Variants in IQCM observed in about 807,000 individuals in gnomAD.
The protein encoded by IQCM is IQ domain-containing protein M.
Under a neutral mutation model 57.6 loss-of-function variants are expected in IQCM, and 45 were observed. The ratio of observed to expected loss-of-function variants is 0.78; its 90% confidence interval spans 0.62 to 1.00. The LOEUF is 1.00. Among genes scored for constraint, IQCM ranks in the 50% least tolerant of loss-of-function variants. The pLI is 0.00. For synonymous variants in IQCM, 148 were observed against 158.9 expected, an observed-to-expected ratio of 0.93 and a Z score of 0.51; for missense variants, 468 against 511.6, an observed-to-expected ratio of 0.91 and a Z score of 0.82.
At chr4:149,785,047 G>T (rs543828957) in intron 2 of IQCM, among the ~76,000 whole-genome samples, 1 of 152,272 alleles carries the variant, frequency 6.6e-6, no homozygotes, top group East Asian at 1.9e-4. Context: ...TTAATATAGA[G>T]ATATGTTTTA....
chr4:149,500,544 G>A (rs1743132687), intron 12 of IQCM, among the ~76,000 whole-genome samples: 1 of 152,078 alleles, frequency 6.6e-6, no homozygotes, highest in South Asian at 2.1e-4. Context: ...ACTTTTAAAA[G>A]CCATACAAAC....
intron 11 of IQCM, 107 bp from the exon 12 acceptor site, chr4:149,548,696 G>T: frequency 2.0e-6 from 1 of 491,736 alleles, no homozygotes; most frequent in Non-Finnish European, 3.2e-6. Context: ...TCCATGATTA[G>T]TCTAGCACTA....
intron 12 of IQCM, among the ~76,000 whole-genome samples, chr4:149,454,195 C>CACACACACAT (rs1244053232): frequency 1.4e-5 from 2 of 147,540 alleles, no homozygotes; most frequent in African/African-American, 5.0e-5. Context: ...CACACACACA[C>CACACACACAT]ATATAAACAC....
At chr4:149,668,171 C>T (rs933821540) in intron 7 of IQCM, among the ~76,000 whole-genome samples, 1 of 152,056 alleles carries the variant, frequency 6.6e-6, no homozygotes, top group Non-Finnish European at 1.5e-5. Context: ...TAAGGGCAGC[C>T]AGAGAGAAAG....
chr4:149,500,953 G>T (rs1176369517), intron 12 of IQCM, among the ~76,000 whole-genome samples: 1 of 152,158 alleles, frequency 6.6e-6, no homozygotes, highest in Non-Finnish European at 1.5e-5. Flanking sequence ...CCATGAGGTT[G>T]TTTCCTTTGG....
Position 149,578,439 on chromosome 4 carries a change from A to C in IQCM, c.749+9491T>G, listed in dbSNP as rs578148092. ...AAGGCGTGATGAGGGCTGATTTTTCAGTGGCACAGTGACCAGAGTTGTCAA... is the reference window on the plus strand; with the variant it reads ...AAGGCGTGATGAGGGCTGATTTTTCCGTGGCACAGTGACCAGAGTTGTCAA... On this transcript the variant is annotated intron_variant, in intron 9 of 13. Coordinates refer to ENST00000636793, the MANE Select transcript of IQCM (RefSeq NM_001363507.2). Among the ~76,000 whole-genome samples the C allele has an allele frequency of 1.5e-4, 23 of 151,912 alleles. No homozygotes were observed. In the East Asian group the frequency reaches 3.7e-3, roughly 25 times the overall value.
intron 2 of IQCM, among the ~76,000 whole-genome samples, chr4:149,798,299 A>T (rs1306536485): frequency 6.6e-6 from 1 of 152,006 alleles, no homozygotes; most frequent in Non-Finnish European, 1.5e-5. Flanking sequence ...ATAAAATAGT[A>T]TTTGCAAGCC....
chr4:149,698,315 T>G (rs1763494554), intron 5 of IQCM, among the ~76,000 whole-genome samples: 1 of 152,086 alleles, frequency 6.6e-6, no homozygotes, highest in South Asian at 2.1e-4. Flanking sequence ...TATTTCATAA[T>G]CCCATAATCC....
At chr4:149,706,829 T>A (rs1471242183) in intron 5 of IQCM, among the ~76,000 whole-genome samples, 1 of 151,998 alleles carries the variant, frequency 6.6e-6, no homozygotes, top group African/African-American at 2.4e-5. Flanking sequence ...TCTGGACCTC[T>A]CTTTTTTATT....
intron 2 of IQCM, among the ~76,000 whole-genome samples, chr4:149,807,505 G>C (rs114678647): frequency 0.022 from 3,342 of 152,022 alleles, 65 homozygotes; most frequent in South Asian, 0.036. Context: ...AATGCTACAG[G>C]ACATCAGTCT....
rs149969095 is a variant in IQCM at position 149,364,369 on chromosome 4, T to C, written c.1391-12303A>G. ...CAGCTCAAGGTGGTATAAGGAGAGCTACTGATACTGCTGAGTTTCCCAAGG... is the reference window on the plus strand; with the variant it reads ...CAGCTCAAGGTGGTATAAGGAGAGCCACTGATACTGCTGAGTTTCCCAAGG... On this transcript the variant is annotated intron_variant, in intron 13 of 13. Transcript: ENST00000636793. Among the ~76,000 whole-genome samples, 449 of 152,288 alleles carry C rather than the reference T, an allele frequency of 2.9e-3. 3 individuals carry two copies. Among genetic ancestry groups the C allele is most frequent in the African/African-American group, 8.7e-3 (363 of 41,570 alleles).
intron 7 of IQCM, among the ~76,000 whole-genome samples, chr4:149,642,204 T>C (rs1758256051): frequency 6.6e-6 from 1 of 152,182 alleles, no homozygotes; most frequent in African/African-American, 2.4e-5. Context: ...CTTTGCTTAT[T>C]ATTTTAAAAC....
intron 7 of IQCM, among the ~76,000 whole-genome samples, chr4:149,670,658 C>T (rs915124867): frequency 1.3e-5 from 2 of 152,004 alleles, no homozygotes; most frequent in African/African-American, 4.8e-5. Context: ...CCCATGAATA[C>T]CTAGTTTATT....
At chr4:149,366,809 CAAT>C (rs1481256416) in intron 13 of IQCM, among the ~76,000 whole-genome samples, 1 of 151,722 alleles carries the variant, frequency 6.6e-6, no homozygotes, top group Non-Finnish European at 1.5e-5. Context: ...ATGTGTTCCT[CAAT>C]AAGTTCTTTC....
intron 2 of IQCM, among the ~76,000 whole-genome samples, chr4:149,769,759 A>G (rs530386323): frequency 3.0e-4 from 45 of 151,956 alleles, no homozygotes; most frequent in Middle Eastern, 3.4e-3. Flanking sequence ...AGGTTTATGC[A>G]CCTAATAACA....
intron 8 of IQCM, among the ~76,000 whole-genome samples, chr4:149,605,489 C>T (rs1433664845): frequency 6.6e-6 from 1 of 152,098 alleles, no homozygotes; most frequent in Non-Finnish European, 1.5e-5. Flanking sequence ...GAATATACAT[C>T]TTGATCTATT....
chr4:149,724,430 T>G (rs546768494), intron 5 of IQCM, among the ~76,000 whole-genome samples: 13 of 152,048 alleles, frequency 8.5e-5, no homozygotes, highest in African/African-American at 3.1e-4. Flanking sequence ...AGGAAAAGAT[T>G]TGTGATTTGG....
intron 7 of IQCM, among the ~76,000 whole-genome samples, chr4:149,653,874 T>C (rs1003097407): frequency 6.6e-6 from 1 of 152,104 alleles, no homozygotes; most frequent in Non-Finnish European, 1.5e-5. Context: ...TTTCTTCCTT[T>C]CTACTCAATT....
chr4:149,439,731 T>C (rs1735724863), intron 12 of IQCM, among the ~76,000 whole-genome samples: 2 of 152,124 alleles, frequency 1.3e-5, no homozygotes, highest in Non-Finnish European at 2.9e-5. Context: ...TTGCTCTGAC[T>C]AAAGACAAAA....
Sources: gnomAD v4.1 joint callset for allele counts (sites outside exome capture counted in the v4.1 genomes callset) on GRCh38, gnomAD v4.1.1 for gene constraint, MANE v1.5 for transcripts, NCBI Gene and HGNC (gene_info 2026-07-23, HGNC 2026-07-21) for gene names.